The following ANKHD1 variants were observed in gnomAD, a reference collection of about 807,000 sequenced individuals.
The protein encoded by ANKHD1 is ankyrin repeat and KH domain-containing protein 1.
ANKHD1 carries 31 observed loss-of-function variants against 230.5 expected under a neutral mutation model. That is an observed-to-expected ratio of 0.13 (90% confidence interval 0.10 to 0.18). The LOEUF (loss-of-function observed/expected upper bound fraction) is 0.18, where lower values mean the gene tolerates loss of function less well. ANKHD1 is among the 10% of genes least tolerant of loss of function. The probability of loss-of-function intolerance (pLI) is 1.00; values close to 1 mark genes in which losing one functional copy is unlikely to be tolerated. For missense variants in ANKHD1, 2,256 were observed against 3,071.3 expected, an observed-to-expected ratio of 0.73 and a Z score of 6.27; for synonymous variants, 1,074 against 1,117.6, an observed-to-expected ratio of 0.96 and a Z score of 0.78.
chr5:140,472,330 G>C (rs375218201), intron 10 of ANKHD1: 2 of 1,610,964 alleles, frequency 1.2e-6, no homozygotes, highest in Non-Finnish European at 1.7e-6. Flanking sequence ...AAGCTACTAC[G>C]TAAAGAATAG....
Position 140,524,255 on chromosome 5 carries a change from A to G in ANKHD1, c.4492+15A>G, listed in dbSNP as rs781322579. 1.3e-6 allele frequency: 2 copies of G among 1,550,312 alleles called. No homozygotes were observed. Among genetic ancestry groups the G allele is most frequent in the South Asian group, 2.5e-5 (2 of 79,156 alleles). ...TGATGAAGATGGTGAGAAACAAACC[A>G]TCTGAATTAACGATAAAATTCTCCT... is the stretch of plus-strand genomic sequence containing the variant. On this transcript the variant is annotated intron_variant, in intron 25 of 33. Coordinates refer to ENST00000360839, the MANE Select transcript of ANKHD1 (RefSeq NM_017747.3).
At chr5:140,470,420 T>C (rs1025089033) in intron 10 of ANKHD1, among the ~76,000 whole-genome samples, 1 of 151,750 alleles carries the variant, frequency 6.6e-6, no homozygotes, top group Non-Finnish European at 1.5e-5. Flanking sequence ...CTGCTATGTT[T>C]TTGACTATTT....
chr5:140,520,180 G>A (rs978137746), intron 24 of ANKHD1, among the ~76,000 whole-genome samples: 1 of 152,180 alleles, frequency 6.6e-6, no homozygotes, highest in African/African-American at 2.4e-5. Flanking sequence ...ATGAAAAAAT[G>A]CTCCTCATCA....
At chr5:140,452,819 C>G (rs1774856518) in intron 7 of ANKHD1, among the ~76,000 whole-genome samples, 1 of 152,234 alleles carries the variant, frequency 6.6e-6, no homozygotes, top group African/African-American at 2.4e-5. Flanking sequence ...AACTCTCCCC[C>G]TCCAAAGGAA....
intron 25 of ANKHD1, among the ~76,000 whole-genome samples, 182 bp from the exon 26 acceptor site, chr5:140,525,814 C>T (rs865967949): frequency 6.8e-6 from 1 of 146,736 alleles, no homozygotes; most frequent in Non-Finnish European, 1.5e-5. Flanking sequence ...CCAGCCTAGG[C>T]GACAGAGCAA....
At position 140,445,748 on chromosome 5, in the gene ANKHD1, C is replaced by G; in HGVS notation, c.920C>G (p.Thr307Ser). 1.3e-6 allele frequency: 2 copies of G among 1,576,104 alleles called. No individual in the cohort carries two copies. Among genetic ancestry groups the G allele is most frequent in the Non-Finnish European group, 1.7e-6 (2 of 1,158,116 alleles). Residue 307 changes from threonine (T) to serine (S), a missense_variant, in exon 6 of 34, where the codon ACT becomes AGT. Thr to Ser is a moderately conservative substitution (Grantham distance 58). This residue lies in a region of ANKHD1 where 206 missense variants were observed against 304.5 expected (regional missense o/e 0.68). Transcript: ENST00000360839. ...TTCTTCTTCTTCTTTTTAGGAAACA[C>G]TGCGCTAACTTATGCATGTGCTGGA... ...DVNSQSATGNTALTYACAGGF... is the reference protein window; with the variant it reads ...DVNSQSATGNSALTYACAGGF...
intron 1 of ANKHD1, among the ~76,000 whole-genome samples, chr5:140,416,308 T>C (rs917896192): frequency 1.6e-4 from 25 of 152,232 alleles, no homozygotes; most frequent in African/African-American, 5.8e-4. Context: ...TACCCAGTAA[T>C]GGGATGGCTG....
At chr5:140,509,591 A>G in intron 20 of ANKHD1, 46 bp from the exon 21 acceptor site, 1 of 1,460,702 alleles carries the variant, frequency 6.8e-7, no homozygotes, top group Non-Finnish European at 9.0e-7. Context: ...CGGAATAGTT[A>G]AAAAAAGAAA....
chr5:140,439,871 T>A (rs886066595), intron 3 of ANKHD1, among the ~76,000 whole-genome samples: 1 of 152,226 alleles, frequency 6.6e-6, no homozygotes, highest in Non-Finnish European at 1.5e-5. Flanking sequence ...TGTTGTAATA[T>A]GTTAGGAGAT....
intron 14 of ANKHD1, among the ~76,000 whole-genome samples, chr5:140,488,216 T>G (rs1268201439): frequency 6.6e-6 from 1 of 152,174 alleles, no homozygotes; most frequent in Non-Finnish European, 1.5e-5. Flanking sequence ...TTTATTGTTT[T>G]CTTTGGGGGG....
At chr5:140,470,611 CTTTT>C (rs386405120) in intron 10 of ANKHD1, among the ~76,000 whole-genome samples, 6 of 71,772 alleles carry the variant, frequency 8.4e-5, no homozygotes, top group Admixed American at 4.0e-4. Context: ...CTTGTTTCTG[CTTTT>C]TTTTTTTTTT....
intron 14 of ANKHD1, among the ~76,000 whole-genome samples, chr5:140,494,387 A>G (rs2127033011): frequency 6.6e-6 from 1 of 152,278 alleles, no homozygotes. Context: ...CTGGAGAATT[A>G]CTTTAGGCCA....
chr5:140,408,646 G>A lies in ANKHD1; in HGVS notation c.306+6373G>A, dbSNP rs985400691. Among the ~76,000 whole-genome samples, 22 of 152,214 alleles carry A rather than the reference G, an allele frequency of 1.4e-4. 1 individual carries two copies. The highest frequency in any genetic ancestry group is 1.3e-3 in the Admixed American group (20 of 15,286). Reference sequence around the variant, plus strand: ...TAAGGAGTTGGGTCATATCCTTTAAGATTGTTTATGATCTATATATAATCT... The same window carrying A: ...TAAGGAGTTGGGTCATATCCTTTAAAATTGTTTATGATCTATATATAATCT... On this transcript the variant is annotated intron_variant, in intron 1 of 33. Coordinates refer to ENST00000360839, the MANE Select transcript of ANKHD1 (RefSeq NM_017747.3).
chr5:140,529,908 T>C, intron 29 of ANKHD1, 112 bp downstream of exon 29: 1 of 1,432,972 alleles, frequency 7.0e-7, no homozygotes, highest in Non-Finnish European at 9.2e-7. Context: ...AATGAGCTGC[T>C]TTAGATTCTC....
intron 2 of ANKHD1, among the ~76,000 whole-genome samples, chr5:140,438,035 G>T (rs914936916): frequency 6.6e-6 from 1 of 152,120 alleles, no homozygotes; most frequent in Non-Finnish European, 1.5e-5. Flanking sequence ...GTGACCAAAG[G>T]AAGAAACAAT....
chr5:140,418,693 G>A (rs1771606485), intron 1 of ANKHD1, among the ~76,000 whole-genome samples: 1 of 152,086 alleles, frequency 6.6e-6, no homozygotes, highest in African/African-American at 2.4e-5. Flanking sequence ...TTAACATATT[G>A]TTTTAAAGAT....
At chr5:140,413,008 T>A (rs1771064556) in intron 1 of ANKHD1, among the ~76,000 whole-genome samples, 1 of 152,204 alleles carries the variant, frequency 6.6e-6, no homozygotes. Flanking sequence ...GATGTTTTTT[T>A]AAAAAATGTA....
chr5:140,485,864 T>A lies in ANKHD1; in HGVS notation c.2142+132T>A. ...TTACATATTGAGAAAATCATGACTC[T>A]AAATTCTTTAGGATTTATTTTCTTT... On this transcript the variant is annotated intron_variant, in intron 13 of 33. Transcript: ENST00000360839. The surrounding 1 kb of genome is among the most constrained non-coding windows in gnomAD (Gnocchi z 4.8). 1 of 1,300,696 alleles carries A rather than the reference T, an allele frequency of 7.7e-7. No individual in the cohort carries two copies. Among genetic ancestry groups the A allele is most frequent in the South Asian group, 1.5e-5 (1 of 68,120 alleles). 80.6% of individuals were successfully genotyped at this position (1,300,696 alleles called of 1,614,324 possible). A position where few individuals can be genotyped will look rare whatever the true frequency, so the allele number is the denominator to read the frequency against.
At chr5:140,524,355 T>C (rs1163905018) in intron 25 of ANKHD1, 115 bp downstream of exon 25, 17 of 1,391,814 alleles carry the variant, frequency 1.2e-5, no homozygotes, top group African/African-American at 1.5e-5. Context: ...TTTATTAATC[T>C]GAAATGGACA....
Sources: gnomAD v4.1 joint callset for allele counts (sites outside exome capture counted in the v4.1 genomes callset) on GRCh38, gnomAD v4.1.1 for gene constraint, gnomAD v4.1.1 regional missense constraint, Gnocchi (gnomAD v3.1) non-coding constraint, MANE v1.5 for transcripts, NCBI Gene and HGNC (gene_info 2026-07-23, HGNC 2026-07-21) for gene names.